Variants in PTPRB observed in about 807,000 individuals in gnomAD.
PTPRB encodes the protein protein tyrosine phosphatase receptor type B.
Under a neutral mutation model 238.1 loss-of-function variants are expected in PTPRB, and 97 were observed. The ratio of observed to expected loss-of-function variants is 0.41; its 90% CI spans 0.35 to 0.48. PTPRB has a LOEUF of 0.48. Ranked by LOEUF, PTPRB falls within the 20% of genes least tolerant of loss-of-function variation. The pLI, the probability that PTPRB is intolerant of heterozygous loss-of-function variation, is 0.30. For synonymous variants in PTPRB, 970 were observed against 995.4 expected (o/e 0.97, Z 0.48); for missense variants, 2,292 against 2,681.9 (o/e 0.85, Z 3.21).
chr12:70,540,554 A>C (rs1874907263), intron 23 of PTPRB: 1 of 294,464 alleles, frequency 3.4e-6, no homozygotes, highest in Admixed American at 4.8e-5. Flanking sequence ...CTTCATGAGG[A>C]TATGAACCAC....
intron 2 of PTPRB, among the ~76,000 whole-genome samples, chr12:70,624,424 C>T (rs1163540104): frequency 6.6e-6 from 1 of 152,058 alleles, no homozygotes. Flanking sequence ...CTATTACTGC[C>T]TTTGTGCCCA....
At chr12:70,578,676 CACTT>C (rs1373448487) in intron 10 of PTPRB, among the ~76,000 whole-genome samples, 3 of 151,820 alleles carry the variant, frequency 2.0e-5, no homozygotes, top group Admixed American at 6.6e-5. Flanking sequence ...TTTTAAGTCC[CACTT>C]ACTTAAAGTA....
intron 32 of PTPRB, 28 bp downstream of exon 32, chr12:70,532,007 C>T (rs1285248062): frequency 6.2e-7 from 1 of 1,613,664 alleles, no homozygotes; most frequent in Non-Finnish European, 8.5e-7. Context: ...AGGAGGGTGG[C>T]CTGTAACTTT....
At chr12:70,579,368 C>A (rs1053961608) in intron 10 of PTPRB, among the ~76,000 whole-genome samples, 3 of 152,040 alleles carry the variant, frequency 2.0e-5, no homozygotes, top group Non-Finnish European at 4.4e-5. Flanking sequence ...GTGCCAAGAA[C>A]CATTAAAAGA....
chr12:70,567,924 T>C (rs66773462), intron 14 of PTPRB, among the ~76,000 whole-genome samples: 35,193 of 151,964 alleles, frequency 0.23, 4,781 homozygotes, highest in African/African-American at 0.38. Flanking sequence ...CTCCTGGACT[T>C]AGGCTATCCA....
intron 4 of PTPRB, among the ~76,000 whole-genome samples, chr12:70,599,133 G>T (rs964147825): frequency 6.6e-6 from 1 of 152,116 alleles, no homozygotes; most frequent in Admixed American, 6.5e-5. Context: ...TAAAAACTCT[G>T]ATGGATTTAA....
intron 10 of PTPRB, among the ~76,000 whole-genome samples, chr12:70,577,162 A>G (rs963202754): frequency 2.0e-5 from 3 of 152,188 alleles, no homozygotes; most frequent in Non-Finnish European, 4.4e-5. Context: ...GGGAAGTAAT[A>G]GCTAACACAA....
intron 3 of PTPRB, among the ~76,000 whole-genome samples, chr12:70,611,057 C>A (rs534199555): frequency 2.8e-4 from 43 of 152,210 alleles, no homozygotes; most frequent in Admixed American, 2.5e-3. Context: ...AATATTGCAA[C>A]AAGTTTTATA....
At position 70,520,114 on chromosome 12, in the gene PTPRB, T is replaced by C; in HGVS notation, c.*1375A>G. The C allele has an allele frequency of 2.4e-6, 1 of 408,860 alleles. No individual in the cohort carries two copies. The highest frequency in any genetic ancestry group is 1.8e-5 in the South Asian group (1 of 55,932). 25.3% of individuals were successfully genotyped at this position (408,860 alleles called of 1,614,324 possible). A position where few individuals can be genotyped will look rare whatever the true frequency, so the allele number is the denominator to read the frequency against. On this transcript the variant is annotated 3_prime_UTR_variant, in exon 34 of 34. Coordinates refer to ENST00000334414, the MANE Select transcript of PTPRB (RefSeq NM_001109754.4). ...CCCAAGTTTATTACAGAAAAATTTG[T>C]AGTGTGAAAAAGGCAAACATCTCCA...
intron 4 of PTPRB, among the ~76,000 whole-genome samples, chr12:70,606,280 A>T (rs1221294912): frequency 1.3e-5 from 2 of 152,238 alleles, no homozygotes; most frequent in African/African-American, 4.8e-5. Flanking sequence ...ATACATGTGC[A>T]CTGAACTGGG....
intron 27 of PTPRB, chr12:70,538,465 G>A (rs4761150): frequency 0.96 from 470,369 of 490,762 alleles, 225,519 homozygotes; most frequent in East Asian, 1. Flanking sequence ...TTCCCTTTCT[G>A]ACATTACCAC....
chr12:70,611,459 T>TG (rs1418948435), intron 3 of PTPRB, among the ~76,000 whole-genome samples: 19 of 151,338 alleles, frequency 1.3e-4, no homozygotes, highest in South Asian at 8.4e-4. Flanking sequence ...CAGCTAATTT[T>TG]TTTTGTGTGT....
Position 70,555,872 on chromosome 12 carries a change from T to G in PTPRB, c.4991A>C (p.Asp1664Ala), listed in dbSNP as rs777677126. Residue 1664 changes from aspartate to alanine, a missense_variant and splice_region_variant, in exon 19 of 34, where the codon GAC becomes GCC. Asp to Ala is a moderately radical substitution (Grantham distance 126). Transcript: ENST00000334414. ...TGCGCACCTCCAGGGACACTTACGG[T>G]CTATCATTGTGATAGTGCTGTCTTC... Reference protein sequence around the residue: ...VVEDSTITMIDRPPPPPPHIR... With the variant: ...VVEDSTITMIARPPPPPPHIR... The G allele has an allele frequency of 2.5e-6, 4 of 1,612,218 alleles. No homozygotes were observed. The highest frequency in any genetic ancestry group is 3.4e-6 in the Non-Finnish European group (4 of 1,179,776).
At chr12:70,576,873 G>C (rs1348417380) in intron 10 of PTPRB, among the ~76,000 whole-genome samples, 1 of 152,092 alleles carries the variant, frequency 6.6e-6, no homozygotes, top group African/African-American at 2.4e-5. Context: ...ATGTCCGGAG[G>C]CCTTTGGGAT....
chr12:70,581,083 A>G lies in PTPRB; in HGVS notation c.2531T>C (p.Val844Ala). The G allele has an allele frequency of 6.2e-7, 1 of 1,613,932 alleles. No homozygotes were observed. ...GSLYSVVVTT[V>A]SGGISSRQVV... ...TTGTCGGGAAGAGATCCCTCCACTC[A>G]CTGTTGTTACCACCACGGAGTACAG... Residue 844 changes from valine to alanine, a missense_variant, in exon 10 of 34, where the codon GTG (valine) becomes GCG (alanine). By Grantham distance (64) the Val-to-Ala change is moderately conservative. Transcript: ENST00000334414.
intron 21 of PTPRB, among the ~76,000 whole-genome samples, chr12:70,545,953 G>A (rs1385483518): frequency 6.6e-6 from 1 of 152,026 alleles, no homozygotes; most frequent in Non-Finnish European, 1.5e-5. Flanking sequence ...CCTGGCCAAC[G>A]TGGCAAAACC....
intron 10 of PTPRB, among the ~76,000 whole-genome samples, chr12:70,577,379 G>T (rs1880899696): frequency 6.6e-6 from 1 of 152,148 alleles, no homozygotes; most frequent in African/African-American, 2.4e-5. Flanking sequence ...CGTTTACTGA[G>T]AACCTACTAT....
At chr12:70,623,494 C>T (rs1885038293) in intron 2 of PTPRB, among the ~76,000 whole-genome samples, 1 of 152,166 alleles carries the variant, frequency 6.6e-6, no homozygotes, top group African/African-American at 2.4e-5. Context: ...TCAGGTGATG[C>T]TGATGTTGCT....
chr12:70,612,690 T>G (rs1212693919), intron 3 of PTPRB, among the ~76,000 whole-genome samples: 1 of 151,898 alleles, frequency 6.6e-6, no homozygotes, highest in Non-Finnish European at 1.5e-5. Flanking sequence ...TCATAGCAAT[T>G]TAAAAACATT....
Sources: allele counts gnomAD v4.1 joint callset (sites outside exome capture counted in the v4.1 genomes callset), GRCh38; gene constraint gnomAD v4.1.1; transcripts MANE v1.5; gene names NCBI Gene and HGNC (gene_info 2026-07-23, HGNC 2026-07-21).